ITK: variants seen among roughly 807,000 people sequenced by gnomAD.
ITK encodes the protein IL2 inducible T cell kinase, also known as tyrosine-protein kinase ITK/TSK.
In ITK, 45 loss-of-function variants were observed where a neutral mutation model predicts 87.6. The ratio of observed to expected loss-of-function variants is 0.51; its 90% CI spans 0.40 to 0.66. The LOEUF (loss-of-function observed/expected upper bound fraction) is 0.66. Ranked by LOEUF, ITK falls within the 30% of genes least tolerant of loss-of-function variation. The pLI, the probability that ITK is intolerant of heterozygous loss-of-function variation, is 0.00. For synonymous variants in ITK, 303 were observed against 273.6 expected, an observed-to-expected ratio of 1.11 and a Z score of -1.06; for missense variants, 605 against 766.3, an observed-to-expected ratio of 0.79 and a Z score of 2.48.
At chr5:157,217,975 G>A (rs1194821183) in intron 5 of ITK, 68 bp downstream of exon 5, 2 of 1,337,624 alleles carry the variant, frequency 1.5e-6, no homozygotes, top group East Asian at 4.6e-5. Context: ...GTTCCTATTT[G>A]CATGTCCCCC....
chr5:157,227,270 A>C (rs13171106), intron 6 of ITK, among the ~76,000 whole-genome samples: 2,490 of 152,362 alleles, frequency 0.016, 29 homozygotes, highest in Non-Finnish European at 0.027. Context: ...GTGGTATTAA[A>C]TGAGATAATG....
chr5:157,213,111 T>G (rs1358016754), intron 3 of ITK, among the ~76,000 whole-genome samples: 1 of 152,182 alleles, frequency 6.6e-6, no homozygotes, highest in African/African-American at 2.4e-5. Context: ...CAGTTCTGTA[T>G]GGCTGGGAGG....
In ITK at chr5:157,254,980, A is replaced by G. The variant is rs1755222355; in HGVS notation, c.*2302A>G. The G allele has an allele frequency of 9.5e-6, 2 of 210,342 alleles. No individual in the cohort carries two copies. Among genetic ancestry groups the G allele is most frequent in the Non-Finnish European group, 1.9e-5 (2 of 103,656 alleles). The allele number at this position is 210,342 out of a possible 1,614,324, so 13.0% of individuals were successfully genotyped here. A position where few individuals can be genotyped will look rare whatever the true frequency, so the allele number is the denominator to read the frequency against. On this transcript the variant is annotated 3_prime_UTR_variant, in exon 17 of 17. Coordinates refer to ENST00000422843, the MANE Select transcript of ITK (RefSeq NM_005546.4). ...CTCCCTTATACAGAGTTTTGGTTCT[A>G]GTTTTATTTCGTAGATTTTGCATTT... is the stretch of plus-strand genomic sequence containing the variant.
intron 1 of ITK, among the ~76,000 whole-genome samples, chr5:157,185,167 C>T (rs1753615811): frequency 6.6e-6 from 1 of 151,898 alleles, no homozygotes; most frequent in African/African-American, 2.4e-5. Context: ...AGATCTGGGT[C>T]AAAAACTAGC....
chr5:157,183,515 A>G (rs891691884), intron 1 of ITK, among the ~76,000 whole-genome samples: 4 of 152,220 alleles, frequency 2.6e-5, no homozygotes, highest in East Asian at 1.9e-4. Flanking sequence ...AGGCCCTGTC[A>G]TCTGGTAAGC....
At chr5:157,190,794 C>T (rs1156908648) in intron 1 of ITK, among the ~76,000 whole-genome samples, 1 of 152,202 alleles carries the variant, frequency 6.6e-6, no homozygotes, top group Non-Finnish European at 1.5e-5. Flanking sequence ...AAGGAAAAAG[C>T]TTGGCTTGCG....
chr5:157,200,103 G>A (rs1230587846), intron 1 of ITK, among the ~76,000 whole-genome samples: 1 of 148,210 alleles, frequency 6.7e-6, no homozygotes, highest in African/African-American at 2.5e-5. Flanking sequence ...AAAGAAGAAA[G>A]GAAAGGGGAA....
intron 1 of ITK, among the ~76,000 whole-genome samples, chr5:157,208,646 G>A (rs540281609): frequency 1.6e-4 from 25 of 152,264 alleles, no homozygotes; most frequent in South Asian, 1.2e-3. Context: ...ACATGACCCC[G>A]TGTCTCACTG....
At chr5:157,247,989 G>A (rs2113777088) in intron 15 of ITK, among the ~76,000 whole-genome samples, 1 of 152,306 alleles carries the variant, frequency 6.6e-6, no homozygotes. Context: ...TTTAGGGTCA[G>A]GTTCTGAATT....
At chr5:157,239,401 T>C (rs1337549150) in intron 9 of ITK, among the ~76,000 whole-genome samples, 1 of 152,204 alleles carries the variant, frequency 6.6e-6, no homozygotes, top group African/African-American at 2.4e-5. Context: ...GGGGAGCTCA[T>C]TAGAGACTCA....
chr5:157,236,139 C>T (rs1200967140), intron 8 of ITK, among the ~76,000 whole-genome samples: 2 of 152,038 alleles, frequency 1.3e-5, no homozygotes, highest in Non-Finnish European at 2.9e-5. Context: ...TTTGGGAGGC[C>T]GAGGCAGGCG....
chr5:157,243,324 A>G (rs1179775250), intron 11 of ITK, among the ~76,000 whole-genome samples: 3 of 152,246 alleles, frequency 2.0e-5, no homozygotes, highest in African/African-American at 2.4e-5. Context: ...AGTGTGAAAA[A>G]TGACATAGAA....
intron 6 of ITK, among the ~76,000 whole-genome samples, chr5:157,227,563 A>C (rs747439554): frequency 6.6e-6 from 1 of 152,098 alleles, no homozygotes; most frequent in Non-Finnish European, 1.5e-5. Flanking sequence ...TTTATATTTT[A>C]ATTATTTTGG....
At position 157,223,078 on chromosome 5, in the gene ITK, G is replaced by A. The variant is rs113527092; in HGVS notation, c.647+64G>A. 9.7e-5 allele frequency: 154 copies of A among 1,582,096 alleles called. No homozygotes were observed. In the African/African-American group the frequency reaches 1.7e-3, roughly 18 times the overall value. Reference sequence around the variant, plus strand: ...TGTGGTGCGAACAAATAAAATACCAGGATGATTTGTCCTATCTCCCACAGT... The same window carrying A: ...TGTGGTGCGAACAAATAAAATACCAAGATGATTTGTCCTATCTCCCACAGT... On this transcript the variant is annotated intron_variant, in intron 6 of 16. Coordinates refer to ENST00000422843, the MANE Select transcript of ITK (RefSeq NM_005546.4).
At chr5:157,227,198 C>A (rs1013114530) in intron 6 of ITK, among the ~76,000 whole-genome samples, 12 of 152,034 alleles carry the variant, frequency 7.9e-5, no homozygotes, top group African/African-American at 1.9e-4. Context: ...TAGTTTAAGC[C>A]CTTCATTTGA....
chr5:157,251,913 G>A (rs1755145223), intron 16 of ITK, among the ~76,000 whole-genome samples: 1 of 152,164 alleles, frequency 6.6e-6, no homozygotes. Flanking sequence ...CTAAAGTCAG[G>A]TAGGGTCAGT....
chr5:157,238,656 G>T (rs1160173878), intron 9 of ITK, among the ~76,000 whole-genome samples: 1 of 152,126 alleles, frequency 6.6e-6, no homozygotes, highest in Non-Finnish European at 1.5e-5. Context: ...GTATTACTAT[G>T]CTCATTTCAC....
intron 8 of ITK, among the ~76,000 whole-genome samples, chr5:157,235,799 C>T (rs1754764606): frequency 6.6e-6 from 1 of 152,214 alleles, no homozygotes; most frequent in Middle Eastern, 3.2e-3. Flanking sequence ...TTGAGATTAT[C>T]TTCTGAAAGG....
chr5:157,236,392 C>T (rs1055799147), intron 8 of ITK, among the ~76,000 whole-genome samples: 6 of 151,282 alleles, frequency 4.0e-5, no homozygotes, highest in Admixed American at 3.3e-4. Flanking sequence ...AAAAAAAATC[C>T]TTTTAAACCC....
Sources: gnomAD v4.1 joint callset for allele counts (sites outside exome capture counted in the v4.1 genomes callset) on GRCh38, gnomAD v4.1.1 for gene constraint, MANE v1.5 for transcripts, NCBI Gene and HGNC (gene_info 2026-07-23, HGNC 2026-07-21) for gene names.